Variants in FTO observed in about 807,000 individuals in gnomAD.
FTO encodes FTO alpha-ketoglutarate dependent dioxygenase, also known as alpha-ketoglutarate-dependent dioxygenase FTO.
In FTO, 47 loss-of-function variants were observed where a neutral mutation model predicts 63.9. The ratio of observed to expected loss-of-function variants is 0.74; its 90% CI spans 0.58 to 0.94. The LOEUF is 0.94. Ranked by LOEUF, FTO falls within the 40% of genes least tolerant of loss-of-function variation. The pLI, the probability that FTO is intolerant of heterozygous loss-of-function variation, is 0.00. For missense variants in FTO, 562 were observed against 618.1 expected, an observed-to-expected ratio of 0.91 and a Z score of 0.96; for synonymous variants, 207 against 224.4, an observed-to-expected ratio of 0.92 and a Z score of 0.69.
intron 3 of FTO, among the ~76,000 whole-genome samples, chr16:53,831,910 G>A (rs1297427889): frequency 6.6e-6 from 1 of 152,184 alleles, no homozygotes; most frequent in East Asian, 1.9e-4. Context: ...GCAGAAGGTA[G>A]GGCTTTGTCA....
At chr16:53,906,977 C>T (rs1025884245) in intron 7 of FTO, among the ~76,000 whole-genome samples, 1 of 152,172 alleles carries the variant, frequency 6.6e-6, no homozygotes, top group African/African-American at 2.4e-5. Context: ...TGCTACCAGC[C>T]TTCCTCTGGG....
intron 8 of FTO, chr16:53,935,477 T>A (rs1350357559): frequency 1.3e-5 from 2 of 152,242 alleles, no homozygotes; most frequent in Admixed American, 1.3e-4. Flanking sequence ...AACAGTAATT[T>A]AAAAATTCCC....
upstream of FTO, chr16:53,704,080 A>T: frequency 8.5e-7 from 1 of 1,181,872 alleles, no homozygotes; most frequent in Non-Finnish European, 1.2e-6. Context: ...GAGGGAGAAT[A>T]GCTCCAGACG....
chr16:54,112,095 C>T lies in FTO; in HGVS notation c.*180C>T, dbSNP rs1450937694. The T allele has an allele frequency of 2.4e-5, 16 of 666,948 alleles. No homozygotes were observed. The highest frequency in any genetic ancestry group is 5.4e-5 in the African/African-American group (3 of 55,522). The allele number at this position is 666,948 out of a possible 1,614,324, so 41.3% of individuals were successfully genotyped here. A position where few individuals can be genotyped will look rare whatever the true frequency, so the allele number is the denominator to read the frequency against. ...AAGTTTTAAATGTTTTAAAATGACCCTGTGTTATAGTCTGATTTGGTGTTA... is the reference window on the plus strand; with the variant it reads ...AAGTTTTAAATGTTTTAAAATGACCTTGTGTTATAGTCTGATTTGGTGTTA... On this transcript the variant is annotated 3_prime_UTR_variant, in exon 9 of 9. Coordinates refer to ENST00000471389, the MANE Select transcript of FTO (RefSeq NM_001080432.3).
chr16:53,891,457 T>C (rs1021390873), intron 7 of FTO, among the ~76,000 whole-genome samples: 4 of 151,986 alleles, frequency 2.6e-5, no homozygotes, highest in African/African-American at 9.7e-5. Context: ...TCCCAGGAGT[T>C]TGAGACTAGC....
At chr16:53,954,857 T>A (rs1246111643) in intron 8 of FTO, among the ~76,000 whole-genome samples, 1 of 151,686 alleles carries the variant, frequency 6.6e-6, no homozygotes, top group African/African-American at 2.4e-5. Context: ...TGAGAAAACG[T>A]GGCCAAGCAG....
chr16:53,892,962 A>T (rs2081189848), intron 7 of FTO, among the ~76,000 whole-genome samples: 1 of 151,142 alleles, frequency 6.6e-6, no homozygotes, highest in Non-Finnish European at 1.5e-5. Context: ...TGTCTCTAAA[A>T]CTCCCCCATC....
chr16:53,947,224 C>G (rs1311280341), intron 8 of FTO, among the ~76,000 whole-genome samples: 1 of 152,186 alleles, frequency 6.6e-6, no homozygotes, highest in East Asian at 1.9e-4. Flanking sequence ...CTGGCCCTGT[C>G]AGACAAGTAC....
intron 8 of FTO, among the ~76,000 whole-genome samples, chr16:54,036,249 C>A (rs183704701): frequency 1.5e-3 from 228 of 152,296 alleles, no homozygotes; most frequent in Non-Finnish European, 2.4e-3. Context: ...TAATATTTAG[C>A]CCCATAATGT....
chr16:53,782,870 T>G (rs1023775580), intron 1 of FTO, among the ~76,000 whole-genome samples: 1 of 152,198 alleles, frequency 6.6e-6, no homozygotes, highest in Non-Finnish European at 1.5e-5. Flanking sequence ...TCTCCCAAAA[T>G]GTAAACCCCA....
At chr16:54,070,758 G>A (rs2085849049) in intron 8 of FTO, 1 of 152,138 alleles carries the variant, frequency 6.6e-6, no homozygotes, top group African/African-American at 2.4e-5. Flanking sequence ...CATTTTGCAG[G>A]CTACTGAACT....
At chr16:53,720,059 G>C (rs1385061598) in intron 1 of FTO, among the ~76,000 whole-genome samples, 1 of 152,048 alleles carries the variant, frequency 6.6e-6, no homozygotes, top group Non-Finnish European at 1.5e-5. Flanking sequence ...CAAATAGTAA[G>C]TAGCCTGCTA....
At chr16:53,942,673 G>A (rs75958001) in intron 8 of FTO, among the ~76,000 whole-genome samples, 3,604 of 152,240 alleles carry the variant, frequency 0.024, 138 homozygotes, top group African/African-American at 0.082. Context: ...GAACTTTAGC[G>A]TTGGTGATTC....
At chr16:53,893,822 A>G (rs1448403882) in intron 7 of FTO, among the ~76,000 whole-genome samples, 2 of 152,112 alleles carry the variant, frequency 1.3e-5, no homozygotes, top group East Asian at 1.9e-4. Flanking sequence ...GTAGATCCTG[A>G]TGGTTTTGAA....
At chr16:53,964,788 G>C (rs147915920) in intron 8 of FTO, among the ~76,000 whole-genome samples, 4 of 152,236 alleles carry the variant, frequency 2.6e-5, no homozygotes, top group African/African-American at 9.6e-5. Context: ...CATTGTTAAG[G>C]CATATACTGA....
At chr16:53,815,522 C>T (rs1446019668) in intron 2 of FTO, among the ~76,000 whole-genome samples, 2 of 152,068 alleles carry the variant, frequency 1.3e-5, no homozygotes, top group Admixed American at 6.5e-5. Context: ...TCCCCAGTGC[C>T]ATCAGAACTG....
At chr16:53,959,772 A>G (rs917921859) in intron 8 of FTO, among the ~76,000 whole-genome samples, 14 of 152,174 alleles carry the variant, frequency 9.2e-5, no homozygotes, top group African/African-American at 3.1e-4. Context: ...AACCATGAAG[A>G]AGATAGTGAA....
intron 5 of FTO, among the ~76,000 whole-genome samples, chr16:53,876,150 CTCTT>C (rs1422438248): frequency 2.0e-5 from 3 of 152,168 alleles, no homozygotes. Context: ...CAGTTAAAGT[CTCTT>C]TCTCCTCAGG....
intron 8 of FTO, among the ~76,000 whole-genome samples, chr16:54,049,030 C>T (rs2085253685): frequency 6.6e-6 from 1 of 151,166 alleles, no homozygotes; most frequent in African/African-American, 2.4e-5. Context: ...TTCTTTTTTT[C>T]CCCCCAGCAG....
Sources: allele counts gnomAD v4.1 joint callset (sites outside exome capture counted in the v4.1 genomes callset), GRCh38; gene constraint gnomAD v4.1.1; transcripts MANE v1.5; gene names NCBI Gene and HGNC (gene_info 2026-07-23, HGNC 2026-07-21).